The following SLC25A21 variants were observed in gnomAD, a reference collection of about 807,000 sequenced individuals.
The protein encoded by SLC25A21 is solute carrier family 25 member 21.
A neutral mutation model predicts 43.8 loss-of-function variants in SLC25A21; 47 were observed. The ratio of observed to expected loss-of-function variants is 1.07; its 90% confidence interval spans 0.85 to 1.37. The LOEUF (loss-of-function observed/expected upper bound fraction) is 1.37. Ranked by LOEUF, SLC25A21 falls within the 40% of genes most tolerant of loss-of-function variation. The probability of loss-of-function intolerance (pLI) is 0.00; values close to 1 mark genes in which losing one functional copy is unlikely to be tolerated. For synonymous variants in SLC25A21, 131 were observed against 121.3 expected, an observed-to-expected ratio of 1.08 and a Z score of -0.52; for missense variants, 352 against 350.2, an observed-to-expected ratio of 1.00 and a Z score of -0.04.
At chr14:37,105,321 A>T (rs1962890539) in intron 1 of SLC25A21, among the ~76,000 whole-genome samples, 1 of 152,230 alleles carries the variant, frequency 6.6e-6, no homozygotes, top group Non-Finnish European at 1.5e-5. Flanking sequence ...AACAGATAAT[A>T]AACAGTGTTC....
chr14:37,113,799 A>G (rs1241235524), intron 1 of SLC25A21, among the ~76,000 whole-genome samples: 1 of 145,184 alleles, frequency 6.9e-6, no homozygotes, highest in African/African-American at 2.5e-5. Flanking sequence ...GCATGCAGTG[A>G]GCCAAGATCG....
In SLC25A21 at chr14:37,094,684, A is replaced by G. The variant is rs372795674; in HGVS notation, c.70+77597T>C. Among the ~76,000 whole-genome samples, 3 of 152,020 alleles carry G rather than the reference A, an allele frequency of 2.0e-5. No homozygotes were observed. The East Asian group carries it at 5.8e-4, about 29-fold the overall frequency. ...TACACAGATACACACACGTGACTCT[A>G]GATGACTAGTCCATTTTACAGGGTG... On this transcript the variant is annotated intron_variant, in intron 1 of 9. Transcript: ENST00000331299.
chr14:36,679,626 T>TTCA lies in SLC25A21; in HGVS notation c.*1029_*1031dup, dbSNP rs1457941023. 1.8e-5 allele frequency: 18 copies of TTCA among 985,296 alleles called. No homozygotes were observed. Among genetic ancestry groups the TTCA allele is most frequent in the South Asian group, 4.7e-5 (1 of 21,294 alleles). 61.0% of individuals were successfully genotyped at this position (985,296 alleles called of 1,614,324 possible). A position where few individuals can be genotyped will look rare whatever the true frequency, so the allele number is the denominator to read the frequency against. On this transcript the variant is annotated 3_prime_UTR_variant, in exon 10 of 10. Coordinates refer to ENST00000331299, the MANE Select transcript of SLC25A21 (RefSeq NM_030631.4). ...TATTTCTTTTTCAGAACATTTCCCC[T>TTCA]TCATCATACATATTTTAATACTGCA...
intron 1 of SLC25A21, among the ~76,000 whole-genome samples, chr14:37,156,011 T>C (rs1293372160): frequency 2.0e-5 from 3 of 151,762 alleles, no homozygotes; most frequent in African/African-American, 7.3e-5. Context: ...ATACAAAAAT[T>C]AGCTGAGCAT....
intron 1 of SLC25A21, among the ~76,000 whole-genome samples, chr14:37,102,322 A>G (rs1235434693): frequency 6.6e-6 from 1 of 152,040 alleles, no homozygotes; most frequent in Non-Finnish European, 1.5e-5. Context: ...ACATGCCTGT[A>G]ATCCCAGCTA....
chr14:37,012,275 G>T, intron 1 of SLC25A21, among the ~76,000 whole-genome samples: 1 of 152,110 alleles, frequency 6.6e-6, no homozygotes, highest in Admixed American at 6.5e-5. Context: ...AGGAATAAAG[G>T]TTTAAAACCA....
Position 36,729,550 on chromosome 14 carries a change from T to C in SLC25A21, c.287A>G (p.Gln96Arg), listed in dbSNP as rs949661280. ...KRAVKFFTFE[Q>R]YKKLLGYVSL... is the part of the protein sequence containing the mutation. ...CACATATCCCAGCAATTTCTTGTAC[T>C]GCTCAAAGGTGAAAAACTGTGAAAC... Residue 96 changes from glutamine to arginine, a missense_variant, in exon 5 of 10, where the codon CAG (glutamine) becomes CGG (arginine). Gln to Arg is a conservative substitution (Grantham distance 43, BLOSUM62 1). Coordinates refer to ENST00000331299, the MANE Select transcript of SLC25A21 (RefSeq NM_030631.4). 1.9e-6 allele frequency: 3 copies of C among 1,609,218 alleles called. No homozygotes were observed. The highest frequency in any genetic ancestry group is 2.5e-6 in the Non-Finnish European group (3 of 1,178,460).
chr14:36,694,128 G>C (rs983394590), intron 7 of SLC25A21, among the ~76,000 whole-genome samples: 1 of 149,190 alleles, frequency 6.7e-6, no homozygotes, highest in Non-Finnish European at 1.5e-5. Context: ...TGATCTCATT[G>C]TTCAATTCCC....
intron 1 of SLC25A21, among the ~76,000 whole-genome samples, chr14:37,089,633 T>C (rs1473063535): frequency 6.6e-6 from 1 of 152,134 alleles, no homozygotes; most frequent in African/African-American, 2.4e-5. Context: ...GGAGGAGACT[T>C]TCTTAGAGAG....
chr14:36,963,012 T>C (rs1361447393), intron 1 of SLC25A21, among the ~76,000 whole-genome samples: 1 of 152,212 alleles, frequency 6.6e-6, no homozygotes, highest in Admixed American at 6.5e-5. Context: ...TTTTTAGTTT[T>C]TGGCAGAAAA....
chr14:36,878,677 A>G, intron 1 of SLC25A21, among the ~76,000 whole-genome samples: 1 of 152,336 alleles, frequency 6.6e-6, no homozygotes, highest in African/African-American at 2.4e-5. Flanking sequence ...GTGAGCACAA[A>G]TTTTAATAAT....
chr14:36,954,456 A>G (rs1426698971), intron 1 of SLC25A21, among the ~76,000 whole-genome samples: 1 of 151,782 alleles, frequency 6.6e-6, no homozygotes, highest in Non-Finnish European at 1.5e-5. Context: ...TTAGGTTTCC[A>G]TTATTTTCTT....
chr14:36,880,124 A>G (rs1020799736), intron 1 of SLC25A21, among the ~76,000 whole-genome samples: 1 of 152,126 alleles, frequency 6.6e-6, no homozygotes, highest in East Asian at 1.9e-4. Flanking sequence ...CAGCATCACA[A>G]TGTGACTAAG....
At chr14:37,021,871 C>G (rs907394641) in intron 1 of SLC25A21, among the ~76,000 whole-genome samples, 3 of 151,908 alleles carry the variant, frequency 2.0e-5, no homozygotes, top group Admixed American at 6.6e-5. Context: ...CATAGGAGAA[C>G]ATTTGCAGGT....
In SLC25A21 at chr14:36,908,117, G is replaced by T. The variant is rs114178099; in HGVS notation, c.71-33113C>A. On this transcript the variant is annotated intron_variant, in intron 1 of 9. Transcript: ENST00000331299. ...TGGGGCACAGAGGATTTTTAGGGCA[G>T]TGAAAACTCTGTATGATACTATAAT... Among the ~76,000 whole-genome samples, 863 of 152,230 alleles carry T rather than the reference G, an allele frequency of 5.7e-3. 9 individuals carry two copies. Among genetic ancestry groups the T allele is most frequent in the African/African-American group, 0.02 (834 of 41,540 alleles).
intron 1 of SLC25A21, among the ~76,000 whole-genome samples, chr14:36,965,389 T>C (rs1255602224): frequency 6.6e-6 from 1 of 152,196 alleles, no homozygotes; most frequent in Non-Finnish European, 1.5e-5. Flanking sequence ...TTGGTTATAA[T>C]TTTTGATAAA....
At chr14:36,786,058 C>T (rs1887239829) in intron 3 of SLC25A21, among the ~76,000 whole-genome samples, 1 of 152,146 alleles carries the variant, frequency 6.6e-6, no homozygotes, top group Non-Finnish European at 1.5e-5. Context: ...TGGGTTTGAT[C>T]CTTGGGAAGC....
chr14:36,860,775 G>C (rs1399091685), intron 2 of SLC25A21, among the ~76,000 whole-genome samples: 2 of 152,146 alleles, frequency 1.3e-5, no homozygotes, highest in Non-Finnish European at 2.9e-5. Flanking sequence ...AGAGTATTTG[G>C]AAGTACTGAG....
chr14:36,848,494 G>A (rs1025954337), intron 2 of SLC25A21, among the ~76,000 whole-genome samples: 15 of 152,198 alleles, frequency 9.9e-5, no homozygotes, highest in African/African-American at 3.4e-4. Context: ...CTGAGCAAGA[G>A]GGAGGACGCA....
Sources: allele counts gnomAD v4.1 joint callset (sites outside exome capture counted in the v4.1 genomes callset), GRCh38; gene constraint gnomAD v4.1.1; transcripts MANE v1.5; gene names NCBI Gene and HGNC (gene_info 2026-07-23, HGNC 2026-07-21).